The following UNC13C variants were observed in gnomAD, a reference collection of about 807,000 sequenced individuals.
The protein encoded by UNC13C is unc-13 homolog C, also known as protein unc-13 homolog C.
A neutral mutation model predicts 245.4 loss-of-function variants in UNC13C; 174 were observed. The ratio of observed to expected loss-of-function variants is 0.71; its 90% CI spans 0.63 to 0.80. UNC13C has a LOEUF of 0.80. Among genes scored for constraint, UNC13C ranks in the 30% least tolerant of loss-of-function variants. The probability of loss-of-function intolerance (pLI) is 0.00; values close to 1 mark genes in which losing one functional copy is unlikely to be tolerated. For synonymous variants in UNC13C, 992 were observed against 895.1 expected (o/e 1.11, Z -1.93); for missense variants, 2,829 against 2,602.9 (o/e 1.09, Z -1.89).
At chr15:54,115,324 T>G (rs537040979) in intron 2 of UNC13C, among the ~76,000 whole-genome samples, 2 of 152,218 alleles carry the variant, frequency 1.3e-5, no homozygotes, top group East Asian at 3.9e-4. Context: ...TTTAAATTCT[T>G]TTTTCCATAT....
chr15:54,085,031 A>G (rs901044688), intron 2 of UNC13C, among the ~76,000 whole-genome samples: 3 of 152,174 alleles, frequency 2.0e-5, no homozygotes. Flanking sequence ...AAATGGTTCA[A>G]TTTGTCCAAA....
intron 18 of UNC13C, among the ~76,000 whole-genome samples, chr15:54,401,455 G>A (rs1335226023): frequency 2.0e-5 from 3 of 152,096 alleles, no homozygotes; most frequent in Admixed American, 2.0e-4. Context: ...TGCACAATAA[G>A]AGAAACTAGG....
At chr15:53,857,407 G>A in the UNC13C span, among the ~76,000 whole-genome samples, 1 of 152,240 alleles carries the variant, frequency 6.6e-6, no homozygotes, top group Middle Eastern at 3.4e-3. Context: ...CTGGCACAAG[G>A]CAGAACACAA....
At chr15:53,993,833 G>A (rs1041857721) in intron 1 of UNC13C, among the ~76,000 whole-genome samples, 1 of 151,936 alleles carries the variant, frequency 6.6e-6, no homozygotes, top group Non-Finnish European at 1.5e-5. Flanking sequence ...TGTAGTCAAG[G>A]CCTCAATAAT....
intron 4 of UNC13C, among the ~76,000 whole-genome samples, chr15:54,230,516 C>A (rs2035521130): frequency 6.6e-6 from 1 of 151,862 alleles, no homozygotes; most frequent in Non-Finnish European, 1.5e-5. Flanking sequence ...TTTTCTTTAT[C>A]TAAATATGAA....
chr15:54,395,870 T>A (rs1039026765), intron 18 of UNC13C, among the ~76,000 whole-genome samples: 1 of 151,806 alleles, frequency 6.6e-6, no homozygotes, highest in Non-Finnish European at 1.5e-5. Context: ...TTAAAGTAAA[T>A]TTATACATGT....
At chr15:54,448,918 G>A (rs1596392949) in intron 19 of UNC13C, among the ~76,000 whole-genome samples, 1 of 152,168 alleles carries the variant, frequency 6.6e-6, no homozygotes, top group African/African-American at 2.4e-5. Flanking sequence ...GGTACCGGTT[G>A]TTCCTTTCCA....
intron 19 of UNC13C, among the ~76,000 whole-genome samples, chr15:54,424,660 C>A (rs2040721157): frequency 6.6e-6 from 1 of 151,546 alleles, no homozygotes; most frequent in African/African-American, 2.4e-5. Context: ...AGTAACTTCA[C>A]AGACATATTA....
At chr15:53,888,616 T>C in the UNC13C span, among the ~76,000 whole-genome samples, 6 of 152,216 alleles carry the variant, frequency 3.9e-5, no homozygotes, top group Admixed American at 3.9e-4. Context: ...AGACATGAAG[T>C]CTTTGCCCAT....
chr15:53,887,091 T>C, the UNC13C span, among the ~76,000 whole-genome samples: 6 of 152,172 alleles, frequency 3.9e-5, no homozygotes, highest in African/African-American at 1.2e-4. Flanking sequence ...TGAGTAACTA[T>C]GGACTTTGGT....
At chr15:54,103,905 C>G (rs974872472) in intron 2 of UNC13C, among the ~76,000 whole-genome samples, 1 of 152,126 alleles carries the variant, frequency 6.6e-6, no homozygotes, top group African/African-American at 2.4e-5. Flanking sequence ...CCACCATGCC[C>G]AGCTAATTTT....
intron 17 of UNC13C, among the ~76,000 whole-genome samples, chr15:54,355,849 C>T (rs1213861401): frequency 1.3e-5 from 2 of 152,118 alleles, no homozygotes; most frequent in Non-Finnish European, 2.9e-5. Context: ...TTCAGAGATA[C>T]TGCATTCATA....
At chr15:54,414,336 T>C (rs2140949528) in intron 18 of UNC13C, among the ~76,000 whole-genome samples, 1 of 152,248 alleles carries the variant, frequency 6.6e-6, no homozygotes, top group East Asian at 1.9e-4. Flanking sequence ...TGATCTATCC[T>C]CAAAAGTGAG....
chr15:54,185,557 G>C (rs1161144968), intron 4 of UNC13C, among the ~76,000 whole-genome samples: 1 of 150,638 alleles, frequency 6.6e-6, no homozygotes, highest in East Asian at 1.9e-4. Context: ...TTTTTGTCAG[G>C]TTTGTCAAAG....
At chr15:53,914,886 T>G in the UNC13C span, among the ~76,000 whole-genome samples, 1 of 152,248 alleles carries the variant, frequency 6.6e-6, no homozygotes, top group African/African-American at 2.4e-5. Context: ...TAAATATGTG[T>G]GTGTATGTAT....
chr15:53,856,369 C>G, the UNC13C span, among the ~76,000 whole-genome samples: 3 of 134,202 alleles, frequency 2.2e-5, no homozygotes, highest in Non-Finnish European at 5.2e-5. Context: ...TCTTGGTTCT[C>G]TAGTTTTTTT....
At chr15:54,100,437 A>G (rs901180754) in intron 2 of UNC13C, among the ~76,000 whole-genome samples, 5 of 152,158 alleles carry the variant, frequency 3.3e-5, no homozygotes. Flanking sequence ...ATTCCTTTTC[A>G]GAAGTGTCTC....
At chr15:54,203,588 G>T (rs1039698006) in intron 4 of UNC13C, among the ~76,000 whole-genome samples, 4 of 143,824 alleles carry the variant, frequency 2.8e-5, no homozygotes, top group African/African-American at 7.6e-5. Context: ...GTGTGTATTC[G>T]ATATATTTTA....
intron 19 of UNC13C, among the ~76,000 whole-genome samples, chr15:54,485,039 A>C (rs1893333337): frequency 6.6e-6 from 1 of 152,172 alleles, no homozygotes; most frequent in African/African-American, 2.4e-5. Context: ...TTAGCAAAAA[A>C]ATTTACTGAC....
Sources: allele counts gnomAD v4.1 joint callset (sites outside exome capture counted in the v4.1 genomes callset), GRCh38; gene constraint gnomAD v4.1.1; transcripts MANE v1.5; gene names NCBI Gene and HGNC (gene_info 2026-07-23, HGNC 2026-07-21).